The following ADGRV1 variants were observed in gnomAD, a reference collection of about 807,000 sequenced individuals.
ADGRV1 encodes adhesion G protein-coupled receptor V1.
Under a neutral mutation model 596.2 loss-of-function variants are expected in ADGRV1, and 359 were observed. That is an observed-to-expected ratio of 0.60 (90% CI 0.55 to 0.66). The LOEUF is 0.66. Ranked by LOEUF, ADGRV1 falls within the 30% of genes least tolerant of loss-of-function variation. ADGRV1 has a pLI of 0.00. For synonymous variants in ADGRV1, 2,681 were observed against 2,679.2 expected (o/e 1.00, Z -0.02); for missense variants, 7,274 against 7,575.6 (o/e 0.96, Z 1.48).
At chr5:91,040,666 G>A (rs1242558212) in intron 85 of ADGRV1, among the ~76,000 whole-genome samples, 2 of 152,136 alleles carry the variant, frequency 1.3e-5, no homozygotes, top group Non-Finnish European at 2.9e-5. Flanking sequence ...AGCTAGATGT[G>A]CTAAGTAAAA....
At chr5:90,640,136 A>G (rs541489784) in intron 11 of ADGRV1, among the ~76,000 whole-genome samples, 19 of 152,188 alleles carry the variant, frequency 1.2e-4, no homozygotes, top group Non-Finnish European at 2.2e-4. Context: ...ATAACCCTAT[A>G]TTTATAAATG....
At chr5:90,961,507 A>AGC (rs1554178780) in intron 83 of ADGRV1, among the ~76,000 whole-genome samples, 2 of 82,024 alleles carry the variant, frequency 2.4e-5, no homozygotes, top group African/African-American at 1.2e-4. Flanking sequence ...AAAAAAAAAA[A>AGC]GGGGGGGTGG....
chr5:90,758,061 A>G (rs759011554), intron 57 of ADGRV1, among the ~76,000 whole-genome samples: 31 of 152,182 alleles, frequency 2.0e-4, no homozygotes, highest in Non-Finnish European at 3.4e-4. Context: ...TTTCCTAAGT[A>G]AAAAGAGTGG....
chr5:90,698,525 T>C (rs1747493144), intron 34 of ADGRV1, among the ~76,000 whole-genome samples: 1 of 152,164 alleles, frequency 6.6e-6, no homozygotes, highest in African/African-American at 2.4e-5. Context: ...CTGCAGAACC[T>C]GGCAATGCAG....
At chr5:90,726,650 GGTAT>G (rs1352322235) in intron 48 of ADGRV1, among the ~76,000 whole-genome samples, 5 of 117,792 alleles carry the variant, frequency 4.2e-5, no homozygotes, top group African/African-American at 1.8e-4. Flanking sequence ...TCTCTCTCTG[GGTAT>G]GTGTGTGTGT....
intron 1 of ADGRV1, among the ~76,000 whole-genome samples, chr5:90,584,626 T>C (rs1313957409): frequency 6.6e-6 from 1 of 152,200 alleles, no homozygotes; most frequent in Non-Finnish European, 1.5e-5. Flanking sequence ...TGCTGGCTGT[T>C]AGTTCTCCAT....
chr5:91,099,435 G>A (rs745988538), intron 86 of ADGRV1, among the ~76,000 whole-genome samples: 4 of 152,104 alleles, frequency 2.6e-5, no homozygotes, highest in African/African-American at 7.2e-5. Context: ...CCCAAGCCTC[G>A]GTGTCAGAAG....
chr5:90,947,950 A>C (rs1776735832), intron 83 of ADGRV1, among the ~76,000 whole-genome samples: 1 of 152,150 alleles, frequency 6.6e-6, no homozygotes, highest in Admixed American at 6.5e-5. Context: ...TCACATGTAA[A>C]CACAAAAGAA....
intron 83 of ADGRV1, among the ~76,000 whole-genome samples, chr5:90,877,103 G>A (rs1392192328): frequency 2.0e-5 from 3 of 152,124 alleles, no homozygotes; most frequent in Admixed American, 6.6e-5. Flanking sequence ...AAATCTTATA[G>A]CAATAAAAAT....
In ADGRV1 at chr5:90,614,165, AAAAAAAAG is replaced by A. The variant is rs536712751; in HGVS notation, c.23-666_23-659del. On this transcript the variant is annotated intron_variant, in intron 1 of 89. Transcript: ENST00000405460. ...CACACATATCATAGTGAAAAAAAAA[AAAAAAAAG>A]AAAGTTGTCATGGAAAAAAAGGAAA... 2.8e-3 allele frequency: 1,043 copies of A among 371,526 alleles called. 2 individuals are homozygous for A. The highest frequency in any genetic ancestry group is 4.1e-3 in the Non-Finnish European group (806 of 197,222). 23.0% of individuals were successfully genotyped at this position (371,526 alleles called of 1,614,324 possible).
intron 84 of ADGRV1, among the ~76,000 whole-genome samples, chr5:90,972,185 C>T (rs756332256): frequency 2.2e-4 from 33 of 152,284 alleles, no homozygotes; most frequent in Non-Finnish European, 4.0e-4. Context: ...AATACAGGAG[C>T]ACCCAGATTC....
chr5:90,802,804 T>C lies in ADGRV1; in HGVS notation c.14583T>C (p.Arg4861=), dbSNP rs757698013. ...QLVTVMLVGG[R]FYGMPTILQE... is the part of the protein sequence containing the mutation. ...TGACTGTGATGCTTGTCGGTGGACG[T>C]TTCTATGGAATGCCAACAATTCTTC... The change falls in exon 71 of 90, where the codon CGT becomes CGC. Residue 4861 remains arginine (R), a synonymous_variant. Transcript: ENST00000405460. 17 of 1,612,876 alleles carry C rather than the reference T, an allele frequency of 1.1e-5. No individual in the cohort carries two copies. The highest frequency in any genetic ancestry group is 3.3e-4 in the Middle Eastern group (2 of 6,062).
intron 84 of ADGRV1, among the ~76,000 whole-genome samples, chr5:90,971,575 C>T (rs1167777306): frequency 6.6e-6 from 1 of 152,142 alleles, no homozygotes; most frequent in East Asian, 1.9e-4. Context: ...GAATTTTCAA[C>T]CCAGAATTTC....
chr5:90,972,640 T>C (rs1288267897), intron 84 of ADGRV1, among the ~76,000 whole-genome samples: 2 of 152,144 alleles, frequency 1.3e-5, no homozygotes, highest in Non-Finnish European at 2.9e-5. Flanking sequence ...AATAAAGATG[T>C]TCTTTGAAAC....
chr5:90,711,578 T>A (rs965750853), intron 41 of ADGRV1, among the ~76,000 whole-genome samples: 3 of 152,198 alleles, frequency 2.0e-5, no homozygotes, highest in Non-Finnish European at 4.4e-5. Context: ...CAGTATTTGA[T>A]ACTAGAGAAT....
intron 59 of ADGRV1, among the ~76,000 whole-genome samples, chr5:90,764,623 C>T (rs1486845839): frequency 3.9e-5 from 6 of 152,214 alleles, no homozygotes; most frequent in African/African-American, 4.8e-5. Flanking sequence ...GGGCTGTGCT[C>T]CCCCTCCCTT....
chr5:90,647,449 G>A, intron 16 of ADGRV1, 49 bp from the exon 17 acceptor site: 1 of 1,556,328 alleles, frequency 6.4e-7, no homozygotes, highest in South Asian at 1.2e-5. Flanking sequence ...CTGAAAATAT[G>A]TGATGGAATC....
At chr5:91,083,859 G>A (rs1011328352) in intron 86 of ADGRV1, among the ~76,000 whole-genome samples, 3 of 152,184 alleles carry the variant, frequency 2.0e-5, no homozygotes, top group African/African-American at 7.2e-5. Flanking sequence ...CTGGAGCCCA[G>A]GAGTTCAAGA....
intron 34 of ADGRV1, among the ~76,000 whole-genome samples, chr5:90,702,726 C>T (rs28742060): frequency 0.02 from 2,998 of 151,866 alleles, 92 homozygotes; most frequent in African/African-American, 0.069. Context: ...TGAACTAAAA[C>T]TAACTAAAAG....
Sources: allele counts gnomAD v4.1 joint callset (sites outside exome capture counted in the v4.1 genomes callset), GRCh38; gene constraint gnomAD v4.1.1; transcripts MANE v1.5; gene names NCBI Gene and HGNC (gene_info 2026-07-23, HGNC 2026-07-21).